RASEF: variants seen among roughly 807,000 people sequenced by gnomAD.
RASEF encodes ras and EF-hand domain-containing protein.
Under a neutral mutation model 90.1 loss-of-function variants are expected in RASEF, and 68 were observed. The ratio of observed to expected loss-of-function variants is 0.75; its 90% CI spans 0.62 to 0.92. RASEF has a LOEUF of 0.92. Ranked by LOEUF, RASEF falls within the 40% of genes least tolerant of loss-of-function variation. The pLI, the probability that RASEF is intolerant of heterozygous loss-of-function variation, is 0.00. For synonymous variants in RASEF, 331 were observed against 345.2 expected (o/e 0.96, Z 0.46); for missense variants, 949 against 937.2 (o/e 1.01, Z -0.16).
the RASEF span, among the ~76,000 whole-genome samples, chr9:83,127,240 A>C: frequency 1.1e-4 from 16 of 152,330 alleles, no homozygotes; most frequent in African/African-American, 3.4e-4. Context: ...AATTAAAATA[A>C]CTATGATTTC....
In RASEF at chr9:82,998,417, C is replaced by T. The variant is rs1326673940; in HGVS notation, c.1753G>A (p.Val585Met). 1.2e-6 allele frequency: 2 copies of T among 1,612,866 alleles called. No homozygotes were observed. Among genetic ancestry groups the T allele is most frequent in the Non-Finnish European group, 1.7e-6 (2 of 1,178,858 alleles). Residue 585 changes from valine to methionine, a missense_variant, in exon 13 of 17, where the codon GTG becomes ATG. Coordinates refer to ENST00000376447, the MANE Select transcript of RASEF (RefSeq NM_152573.4). ...GVDFQMKTLI[V>M]DGERTVLQLW... ...TGCAGAACTGTTCGTTCTCCATCCA[C>T]AATGAGGGTTTTCATTTGGAAATCA...
the RASEF span, among the ~76,000 whole-genome samples, chr9:83,166,680 C>A: frequency 6.6e-6 from 1 of 152,176 alleles, no homozygotes; most frequent in African/African-American, 2.4e-5. Flanking sequence ...CCACCCCAGC[C>A]TGGTCACCTG....
intron 3 of RASEF, among the ~76,000 whole-genome samples, chr9:83,020,053 C>T (rs1406072795): frequency 2.0e-5 from 3 of 152,192 alleles, no homozygotes; most frequent in Non-Finnish European, 4.4e-5. Flanking sequence ...TTCACATATA[C>T]TGTACTTTAT....
chr9:83,215,936 C>T, the RASEF span, among the ~76,000 whole-genome samples: 1 of 152,114 alleles, frequency 6.6e-6, no homozygotes, highest in African/African-American at 2.4e-5. Context: ...CTAACGTGGT[C>T]TCAGATACAG....
chr9:83,149,847 A>G, the RASEF span, among the ~76,000 whole-genome samples: 1 of 152,176 alleles, frequency 6.6e-6, no homozygotes, highest in Non-Finnish European at 1.5e-5. Context: ...GGGATTCTAT[A>G]CCAATGACCA....
intron 1 of RASEF, among the ~76,000 whole-genome samples, chr9:83,029,393 C>CTTT (rs869144602): frequency 1.5e-5 from 2 of 134,812 alleles, no homozygotes; most frequent in Admixed American, 7.6e-5. Flanking sequence ...GACTTGCCTT[C>CTTT]TTTTTTTTTT....
the RASEF span, among the ~76,000 whole-genome samples, chr9:83,133,292 G>T: frequency 6.6e-6 from 1 of 152,118 alleles, no homozygotes; most frequent in Non-Finnish European, 1.5e-5. Context: ...CAACACTAGT[G>T]ATTAGGAAAA....
chr9:82,983,107 CCA>C (rs10539196), intron 16 of RASEF, among the ~76,000 whole-genome samples: 19,552 of 128,304 alleles, frequency 0.15, 1,582 homozygotes, highest in African/African-American at 0.23. Context: ...GAGTACCAGG[CCA>C]CACACACACA....
chr9:83,145,771 T>C, the RASEF span, among the ~76,000 whole-genome samples: 1 of 152,066 alleles, frequency 6.6e-6, no homozygotes, highest in Middle Eastern at 3.2e-3. Context: ...TTAGGTTAGT[T>C]TACCAAATAA....
chr9:83,130,377 A>G, the RASEF span, among the ~76,000 whole-genome samples: 1 of 152,218 alleles, frequency 6.6e-6, no homozygotes, highest in Non-Finnish European at 1.5e-5. Flanking sequence ...CCATATCAGA[A>G]CTGCACATAT....
intron 6 of RASEF, among the ~76,000 whole-genome samples, chr9:83,007,979 C>A (rs563265728): frequency 6.6e-6 from 1 of 152,144 alleles, no homozygotes; most frequent in Non-Finnish European, 1.5e-5. Context: ...CTTCCTCTTT[C>A]CATCTCACAC....
At chr9:83,148,327 C>G in the RASEF span, among the ~76,000 whole-genome samples, 1 of 152,118 alleles carries the variant, frequency 6.6e-6, no homozygotes, top group Admixed American at 6.5e-5. Flanking sequence ...AGTGCCCCAG[C>G]ATGTAAGATG....
intron 12 of RASEF, among the ~76,000 whole-genome samples, chr9:82,998,838 T>G (rs1427571440): frequency 1.3e-5 from 2 of 152,136 alleles, no homozygotes; most frequent in African/African-American, 4.8e-5. Flanking sequence ...TAGGTGCAGA[T>G]ACGTGTTTTG....
At chr9:83,067,491 T>C (rs1348869715), upstream of RASEF, among the ~76,000 whole-genome samples, 1 of 152,222 alleles carries the variant, frequency 6.6e-6, no homozygotes, top group Non-Finnish European at 1.5e-5. Flanking sequence ...CATCCTATCC[T>C]ATTTGCCTCA....
At chr9:82,995,574 C>A (rs1363154753) in intron 14 of RASEF, among the ~76,000 whole-genome samples, 1 of 152,062 alleles carries the variant, frequency 6.6e-6, no homozygotes, top group African/African-American at 2.4e-5. Flanking sequence ...GCCTCCCAAG[C>A]AGCTGGGACT....
intron 1 of RASEF, among the ~76,000 whole-genome samples, chr9:83,061,432 C>T (rs534072866): frequency 2.4e-4 from 36 of 152,302 alleles, no homozygotes; most frequent in Non-Finnish European, 4.9e-4. Context: ...CCTTTCAGAG[C>T]GTCTTAATAA....
intron 1 of RASEF, among the ~76,000 whole-genome samples, chr9:83,035,581 CTTTA>C (rs759788241): frequency 5.9e-5 from 9 of 152,146 alleles, no homozygotes; most frequent in East Asian, 1.9e-4. Flanking sequence ...ATATGCAGCT[CTTTA>C]TTTAAGAGCA....
chr9:83,011,033 T>G (rs1587492799), intron 5 of RASEF, among the ~76,000 whole-genome samples: 1 of 152,264 alleles, frequency 6.6e-6, no homozygotes, highest in Non-Finnish European at 1.5e-5. Flanking sequence ...ACTTAATAAA[T>G]TGTGAGGGGG....
chr9:83,021,503 C>T (rs1829443961), intron 3 of RASEF, among the ~76,000 whole-genome samples: 2 of 152,228 alleles, frequency 1.3e-5, no homozygotes, highest in African/African-American at 4.8e-5. Context: ...ATGGAAATCA[C>T]TGAAGGTAAC....
Sources: allele counts gnomAD v4.1 joint callset (sites outside exome capture counted in the v4.1 genomes callset), GRCh38; gene constraint gnomAD v4.1.1; transcripts MANE v1.5; gene names NCBI Gene and HGNC (gene_info 2026-07-23, HGNC 2026-07-21).